The following TBC1D32 variants were observed in gnomAD, a reference collection of about 807,000 sequenced individuals.
TBC1D32 encodes the protein protein broad-minded.
Under a neutral mutation model 170.3 loss-of-function variants are expected in TBC1D32, and 151 were observed. The ratio of observed to expected loss-of-function variants is 0.89; its 90% CI spans 0.78 to 1.01. The LOEUF (loss-of-function observed/expected upper bound fraction) is 1.01. Among genes scored for constraint, TBC1D32 ranks in the 50% least tolerant of loss-of-function variants. The pLI is 0.00. For missense variants in TBC1D32, 1,464 were observed against 1,457.1 expected, an observed-to-expected ratio of 1.00 and a Z score of -0.08; for synonymous variants, 498 against 488.0, an observed-to-expected ratio of 1.02 and a Z score of -0.27.
At chr6:121,256,673 CTTTTTTTTTT>C (rs1799063395) in intron 15 of TBC1D32, among the ~76,000 whole-genome samples, 1 of 139,878 alleles carries the variant, frequency 7.1e-6, no homozygotes. Flanking sequence ...GGCTGAGAAA[CTTTTTTTTTT>C]CTTTTTTTTT....
chr6:121,304,123 A>C (rs1157617663), intron 8 of TBC1D32, among the ~76,000 whole-genome samples: 2 of 151,996 alleles, frequency 1.3e-5, no homozygotes, highest in African/African-American at 4.8e-5. Context: ...AAAAAAAAAA[A>C]AAACTAATGC....
In TBC1D32 at chr6:121,233,635, C is replaced by A. The variant is rs1198033132; in HGVS notation, c.2364+5435G>T. ...GGTGAGTCTCCTGAAGATAGCAGTA[C>A]CTTGGTTAGTAAATTCTTATCCGTT... is the stretch of plus-strand genomic sequence containing the variant. On this transcript the variant is annotated intron_variant, in intron 20 of 31. Coordinates refer to ENST00000398212, the MANE Select transcript of TBC1D32 (RefSeq NM_152730.6). Among the ~76,000 whole-genome samples, 3 of 152,080 alleles carry A rather than the reference C, an allele frequency of 2.0e-5. No homozygotes were observed. In the East Asian group the frequency reaches 5.8e-4, roughly 29 times the overall value.
intron 24 of TBC1D32, among the ~76,000 whole-genome samples, chr6:121,151,733 T>C (rs1002255532): frequency 6.6e-6 from 1 of 152,240 alleles, no homozygotes; most frequent in African/African-American, 2.4e-5. Context: ...TCTTGTTGCA[T>C]TGATTCCTTC....
chr6:121,090,522 A>T (rs1031304224), intron 31 of TBC1D32, among the ~76,000 whole-genome samples: 6 of 152,194 alleles, frequency 3.9e-5, no homozygotes, highest in East Asian at 1.9e-4. Context: ...AAATATATTT[A>T]AAAAGTATCA....
chr6:121,112,564 G>A lies in TBC1D32; in HGVS notation c.3265C>T (p.His1089Tyr). Residue 1089 changes from histidine (H) to tyrosine (Y), a missense_variant, in exon 29 of 32, where the codon CAT becomes TAT. By Grantham distance (83) the His-to-Tyr change is moderately conservative. Coordinates refer to ENST00000398212, the MANE Select transcript of TBC1D32 (RefSeq NM_152730.6). ...GDKEKTFQFLHQFSRLLTSAF... is the reference protein window; with the variant it reads ...GDKEKTFQFLYQFSRLLTSAF... ...GAAGTCAGAAGCCTGGAGAATTGAT[G>A]AAGAAATTGGAATGTTTTTTCTTTG... is the stretch of plus-strand genomic sequence containing the variant. 6.2e-7 allele frequency: 1 copy of A among 1,611,160 alleles called. No individual in the cohort carries two copies. Among genetic ancestry groups the A allele is most frequent in the Non-Finnish European group, 8.5e-7 (1 of 1,178,190 alleles).
chr6:121,282,757 C>T (rs1803202550), intron 13 of TBC1D32, among the ~76,000 whole-genome samples: 1 of 151,770 alleles, frequency 6.6e-6, no homozygotes, highest in Non-Finnish European at 1.5e-5. Flanking sequence ...CAGTCCACAT[C>T]ATGGTAAACC....
At chr6:121,148,246 T>A (rs1783734328) in intron 24 of TBC1D32, among the ~76,000 whole-genome samples, 1 of 152,188 alleles carries the variant, frequency 6.6e-6, no homozygotes, top group Non-Finnish European at 1.5e-5. Flanking sequence ...TTTGGTTTCC[T>A]GTTCCTGTGT....
At chr6:121,229,040 CTG>C (rs1490908941) in intron 20 of TBC1D32, among the ~76,000 whole-genome samples, 1 of 152,034 alleles carries the variant, frequency 6.6e-6, no homozygotes, top group Admixed American at 6.6e-5. Flanking sequence ...CTAAATGTGG[CTG>C]TGTCAGTTTT....
chr6:121,276,446 T>A (rs960889896), intron 15 of TBC1D32, among the ~76,000 whole-genome samples: 2 of 151,882 alleles, frequency 1.3e-5, no homozygotes, highest in Admixed American at 6.6e-5. Flanking sequence ...ATTGATATAC[T>A]AAGAGAGGAG....
At chr6:121,248,596 G>T (rs987463844) in intron 17 of TBC1D32, among the ~76,000 whole-genome samples, 1 of 151,694 alleles carries the variant, frequency 6.6e-6, no homozygotes, top group Non-Finnish European at 1.5e-5. Context: ...ATCCAAATAA[G>T]CTCAATTAGA....
intron 26 of TBC1D32, among the ~76,000 whole-genome samples, chr6:121,119,346 C>T (rs899889886): frequency 2.1e-4 from 32 of 152,084 alleles, no homozygotes; most frequent in African/African-American, 7.2e-4. Flanking sequence ...AATTATCACA[C>T]ACTGTGCTTT....
intron 21 of TBC1D32, among the ~76,000 whole-genome samples, chr6:121,211,170 C>G (rs997913781): frequency 2.6e-5 from 4 of 151,426 alleles, no homozygotes; most frequent in Non-Finnish European, 5.9e-5. Flanking sequence ...GAGGGGGCGG[C>G]GAGGAAAGGA....
At chr6:121,185,922 C>G (rs564999710) in intron 22 of TBC1D32, among the ~76,000 whole-genome samples, 1 of 152,190 alleles carries the variant, frequency 6.6e-6, no homozygotes, top group South Asian at 2.1e-4. Flanking sequence ...ACGCAGGACA[C>G]AACACCTTGG....
At chr6:121,170,516 A>G in intron 22 of TBC1D32, 1 of 1,580,140 alleles carries the variant, frequency 6.3e-7, no homozygotes. Flanking sequence ...ACAGCATATC[A>G]CACTTAATAA....
intron 13 of TBC1D32, among the ~76,000 whole-genome samples, chr6:121,282,181 T>C (rs1326581197): frequency 6.6e-6 from 1 of 151,646 alleles, no homozygotes; most frequent in African/African-American, 2.4e-5. Flanking sequence ...GACACTAGTA[T>C]ACTTCTTGTA....
chr6:121,212,014 C>T, intron 21 of TBC1D32, among the ~76,000 whole-genome samples: 1 of 152,044 alleles, frequency 6.6e-6, no homozygotes, highest in Non-Finnish European at 1.5e-5. Flanking sequence ...CACACACACA[C>T]ACACACACAC....
At chr6:121,212,785 G>A (rs1433003646) in intron 21 of TBC1D32, among the ~76,000 whole-genome samples, 1 of 152,052 alleles carries the variant, frequency 6.6e-6, no homozygotes, top group East Asian at 1.9e-4. Flanking sequence ...TGATGAACTT[G>A]ATGCAAAAAT....
chr6:121,276,523 AAGGG>A (rs1802238396), intron 15 of TBC1D32, among the ~76,000 whole-genome samples: 1 of 152,110 alleles, frequency 6.6e-6, no homozygotes, highest in Non-Finnish European at 1.5e-5. Flanking sequence ...AACACAAAAA[AAGGG>A]CAAAAAATAC....
chr6:121,329,736 A>T (rs1247507031), intron 1 of TBC1D32, among the ~76,000 whole-genome samples: 3 of 152,134 alleles, frequency 2.0e-5, no homozygotes, highest in South Asian at 2.1e-4. Context: ...CTAATTTTTT[A>T]AAAAATATTT....
Sources: allele counts gnomAD v4.1 joint callset (sites outside exome capture counted in the v4.1 genomes callset), GRCh38; gene constraint gnomAD v4.1.1; transcripts MANE v1.5; gene names NCBI Gene and HGNC (gene_info 2026-07-23, HGNC 2026-07-21).